The following PRKCG variants were observed in gnomAD, a reference collection of about 807,000 sequenced individuals.
The protein encoded by PRKCG is protein kinase C gamma type.
Under a neutral mutation model 82.0 loss-of-function variants are expected in PRKCG, and 28 were observed. The ratio of observed to expected loss-of-function variants is 0.34; its 90% confidence interval spans 0.25 to 0.47. The LOEUF (loss-of-function observed/expected upper bound fraction) is 0.47. Ranked by LOEUF, PRKCG falls within the 20% of genes least tolerant of loss-of-function variation. The probability of loss-of-function intolerance (pLI) is 1.00; values close to 1 mark genes in which losing one functional copy is unlikely to be tolerated. For missense variants in PRKCG, 640 were observed against 952.7 expected, an observed-to-expected ratio of 0.67 and a Z score of 4.32; for synonymous variants, 383 against 376.6, an observed-to-expected ratio of 1.02 and a Z score of -0.20.
In PRKCG at chr19:53,891,679, G is replaced by A. The variant is rs1281980751; in HGVS notation, c.535G>A (p.Glu179Lys). ...CTTCCTCACTCCCCGTTTAGTTGGC[G>A]AGGCCCGTAACCTAATTCCTATGGA... ...TADEIHVTVG[E>K]ARNLIPMDPN... The change falls in exon 6 of 18, where the codon GAG becomes AAG. Residue 179 changes from glutamate (E) to lysine (K), a missense_variant. Transcript: ENST00000263431. 4.3e-6 allele frequency: 7 copies of A among 1,613,972 alleles called. No individual in the cohort carries two copies. Among genetic ancestry groups the A allele is most frequent in the South Asian group, 2.2e-5 (2 of 91,072 alleles).
chr19:53,882,394 C>G lies in PRKCG; in HGVS notation c.-101C>G. 1 of 1,522,828 alleles carries G rather than the reference C, an allele frequency of 6.6e-7. No homozygotes were observed. Among genetic ancestry groups the G allele is most frequent in the East Asian group, 2.4e-5 (1 of 42,522 alleles). 94.3% of individuals were successfully genotyped at this position (1,522,828 alleles called of 1,614,324 possible). Reference sequence around the variant, plus strand: ...CCCTCTCCTGCCCACCTCGGAATTTCCCTGTGGCTCCTTTGATCCTTCGAG... The same window carrying G: ...CCCTCTCCTGCCCACCTCGGAATTTGCCTGTGGCTCCTTTGATCCTTCGAG... On this transcript the variant is annotated 5_prime_UTR_variant, in exon 1 of 18. Coordinates refer to ENST00000263431, the MANE Select transcript of PRKCG (RefSeq NM_002739.5). This position sits in a 1 kb window ranked among gnomAD's most constrained non-coding sequence, Gnocchi z 6.1.
In PRKCG at chr19:53,898,627, C is replaced by A; in HGVS notation, c.1280C>A (p.Pro427Gln). 6.4e-7 allele frequency: 1 copy of A among 1,574,360 alleles called. No homozygotes were observed. The highest frequency in any genetic ancestry group is 8.6e-7 in the Non-Finnish European group (1 of 1,161,438). Reference sequence around the variant, plus strand: ...CAGCTCCACTCCACCTTCCAGACCCCGGTAAGGATGGAGGGGGCGGAGGCT... The same window carrying A: ...CAGCTCCACTCCACCTTCCAGACCCAGGTAAGGATGGAGGGGGCGGAGGCT... ...LTQLHSTFQT[P>Q]DRLYFVMEYV... Residue 427 changes from proline (P) to glutamine (Q), a missense_variant and splice_region_variant, in exon 11 of 18, where the codon CCG (proline) becomes CAG (glutamine). Pro to Gln is a moderately conservative substitution (Grantham distance 76). Transcript: ENST00000263431.
At chr19:53,906,055 CT>C (rs2068803954) in intron 16 of PRKCG, among the ~76,000 whole-genome samples, 1 of 62,494 alleles carries the variant, frequency 1.6e-5, no homozygotes, top group African/African-American at 1.4e-4. Context: ...CCTCCTCCTC[CT>C]CCTCCTCCTC....
intron 9 of PRKCG, among the ~76,000 whole-genome samples, chr19:53,894,690 C>T (rs1019429724): frequency 6.6e-6 from 1 of 151,832 alleles, no homozygotes; most frequent in Non-Finnish European, 1.5e-5. Context: ...GAACTCCTGA[C>T]CTCAAGTGAT....
At chr19:53,890,807 A>C (rs967548751) in intron 5 of PRKCG, among the ~76,000 whole-genome samples, 6 of 148,060 alleles carry the variant, frequency 4.1e-5, no homozygotes, top group African/African-American at 1.5e-4. Flanking sequence ...GCTGGAGTGC[A>C]GTAGCATGAT....
rs758442836 is a variant in PRKCG, at chr19:53,892,576, C to T, written c.754C>T (p.Arg252Cys). The T allele has an allele frequency of 7.4e-6, 12 of 1,613,498 alleles. No homozygotes were observed. Among genetic ancestry groups the T allele is most frequent in the African/African-American group, 4.0e-5 (3 of 74,900 alleles). ...VEVWDWDRTS[R>C]NDFMGAMSFG... ...GGTGTGGGACTGGGACCGGACCTCC[C>T]GCAACGACTTCATGGGGGCCATGTC... The change falls in exon 7 of 18, where the codon CGC (arginine) becomes TGC (cysteine). Residue 252 changes from arginine (R) to cysteine (C), a missense_variant. Physicochemically the swap from Arg to Cys is radical, Grantham distance 180 (BLOSUM62 -3). Transcript: ENST00000263431. The surrounding 1 kb of genome is among the most constrained non-coding windows in gnomAD (Gnocchi z 5.9).
chr19:53,889,572 A>G lies in PRKCG; in HGVS notation c.286-66A>G. 1 of 1,211,974 alleles carries G rather than the reference A, an allele frequency of 8.3e-7. No individual in the cohort carries two copies. The highest frequency in any genetic ancestry group is 1.2e-6 in the Non-Finnish European group (1 of 821,160). 75.1% of individuals were successfully genotyped at this position (1,211,974 alleles called of 1,614,324 possible). A position where few individuals can be genotyped will look rare whatever the true frequency, so the allele number is the denominator to read the frequency against. On this transcript the variant is annotated intron_variant, in intron 3 of 17. Transcript: ENST00000263431. The surrounding 1 kb of genome is among the most constrained non-coding windows in gnomAD (Gnocchi z 4.4). ...GAGCAAGGCAGGAGGAAAAGATAAA[A>G]GGGCCCCTCCCCTGGGGTTTTAGGA...
At position 53,883,318 on chromosome 19, in the gene PRKCG, G is replaced by A; in HGVS notation, c.202+124G>A. 2.5e-6 allele frequency: 3 copies of A among 1,219,830 alleles called. No homozygotes were observed. Among genetic ancestry groups the A allele is most frequent in the East Asian group, 4.8e-5 (2 of 41,664 alleles). 75.6% of individuals were successfully genotyped at this position (1,219,830 alleles called of 1,614,324 possible). On this transcript the variant is annotated intron_variant, in intron 2 of 17. Transcript: ENST00000263431. This position sits in a 1 kb window ranked among gnomAD's most constrained non-coding sequence, Gnocchi z 5.4. ...AGAGGCGCGGGGGAGCCCGGGGCGG[G>A]GGGTGTGGCAGAGACACAGCCTGTG...
chr19:53,896,810 G>A (rs1198749578), intron 9 of PRKCG, among the ~76,000 whole-genome samples: 1 of 152,224 alleles, frequency 6.6e-6, no homozygotes, highest in Non-Finnish European at 1.5e-5. Flanking sequence ...GAGCTCACAG[G>A]CAGAAAGCAG....
At chr19:53,895,358 G>A (rs1407448057) in intron 9 of PRKCG, among the ~76,000 whole-genome samples, 3 of 151,804 alleles carry the variant, frequency 2.0e-5, no homozygotes, top group Non-Finnish European at 4.4e-5. Flanking sequence ...GCATGGTGGA[G>A]GCGCCTGTAA....
chr19:53,886,775 G>A (rs1486107408), intron 3 of PRKCG, among the ~76,000 whole-genome samples: 1 of 152,132 alleles, frequency 6.6e-6, no homozygotes, highest in Non-Finnish European at 1.5e-5. Context: ...ATTTTTCCCT[G>A]TCTATCTGGT....
Position 53,889,823 on chromosome 19 carries a change from T to TG in PRKCG, c.398-57dup, listed in dbSNP as rs1176444289. 1.1e-4 allele frequency: 162 copies of TG among 1,515,828 alleles called. No homozygotes were observed. Among genetic ancestry groups the TG allele is most frequent in the East Asian group, 1.7e-4 (7 of 40,304 alleles). The allele number at this position is 1,515,828 out of a possible 1,614,324, so 93.9% of individuals were successfully genotyped here. A position where few individuals can be genotyped will look rare whatever the true frequency, so the allele number is the denominator to read the frequency against. On this transcript the variant is annotated intron_variant, in intron 4 of 17. Transcript: ENST00000263431. The surrounding 1 kb of genome is among the most constrained non-coding windows in gnomAD (Gnocchi z 4.4). The stretch of plus-strand genomic sequence containing the variant: ...GTTCCGGGAAATGCCCGGGATGGGG[T>TG]GGGGGGTGGAGTCTTGGCTTGGGGG...
At chr19:53,891,571 C>G (rs537578478) in intron 5 of PRKCG, 103 bp from the exon 6 acceptor site, 8 of 1,465,254 alleles carry the variant, frequency 5.5e-6, no homozygotes, top group South Asian at 3.4e-5. Flanking sequence ...CATGAGCCGC[C>G]GTGCCTGGCC....
At chr19:53,896,153 C>T (rs1322008865) in intron 9 of PRKCG, among the ~76,000 whole-genome samples, 1 of 151,704 alleles carries the variant, frequency 6.6e-6, no homozygotes, top group Non-Finnish European at 1.5e-5. Context: ...CTTTTGAGAT[C>T]AGCAGGGATG....
chr19:53,906,078 CCTCCTCCTT>C (rs1267959589), intron 16 of PRKCG, among the ~76,000 whole-genome samples: 270 of 43,714 alleles, frequency 6.2e-3, no homozygotes, highest in Middle Eastern at 0.017. Context: ...TCCTCCTCCT[CCTCCTCCTT>C]CTTCTTCTTC....
At position 53,893,369 on chromosome 19, in the gene PRKCG, A is replaced by G; in HGVS notation, c.917A>G (p.Asn306Ser). 1 of 1,613,686 alleles carries G rather than the reference A, an allele frequency of 6.2e-7. No individual in the cohort carries two copies. The highest frequency in any genetic ancestry group is 1.3e-5 in the African/African-American group (1 of 75,016). ...CSLLQKFEAC[N>S]YPLELYERVR... ...CTCTTTCTTTTCTCCCAGGCTTGTAACTACCCCCTGGAATTGTATGAGGTG... is the reference window on the plus strand; with the variant it reads ...CTCTTTCTTTTCTCCCAGGCTTGTAGCTACCCCCTGGAATTGTATGAGGTG... The change falls in exon 9 of 18, where the codon AAC becomes AGC. Residue 306 changes from asparagine to serine, a missense_variant. By Grantham distance (46) the Asn-to-Ser change is conservative. Coordinates refer to ENST00000263431, the MANE Select transcript of PRKCG (RefSeq NM_002739.5).
At chr19:53,901,421 G>A (rs1379693859) in intron 14 of PRKCG, among the ~76,000 whole-genome samples, 2 of 151,982 alleles carry the variant, frequency 1.3e-5, no homozygotes, top group African/African-American at 4.8e-5. Context: ...GCATGCGCCT[G>A]TAATCCCAGC....
chr19:53,888,283 T>A (rs1338552042), intron 3 of PRKCG, among the ~76,000 whole-genome samples: 1 of 152,128 alleles, frequency 6.6e-6, no homozygotes, highest in Non-Finnish European at 1.5e-5. Flanking sequence ...CTAACATAGA[T>A]GAAAATCCAA....
Position 53,890,010 on chromosome 19 carries a change from C to T in PRKCG, c.522C>T (p.His174=), listed in dbSNP as rs200879722. The T allele has an allele frequency of 3.8e-6, 6 of 1,563,068 alleles. No individual in the cohort carries two copies. The African/African-American group carries it at 4.1e-5, about 11-fold the overall frequency. Residue 174 remains histidine, a synonymous_variant, in exon 5 of 18, where the codon CAC becomes CAT. Transcript: ENST00000263431. ...GGGCTCCCACAGCAGATGAGATCCA[C>T]GTAACTGGTGAGGCCCCGCCCCCTC... The part of the protein sequence containing the change: ...EIRAPTADEI[H]VTVGEARNLI...
Sources: gnomAD v4.1 joint callset for allele counts (sites outside exome capture counted in the v4.1 genomes callset) on GRCh38, gnomAD v4.1.1 for gene constraint, Gnocchi (gnomAD v3.1) non-coding constraint, MANE v1.5 for transcripts, NCBI Gene and HGNC (gene_info 2026-07-23, HGNC 2026-07-21) for gene names.